Variants in ADGRD2 observed in about 807,000 individuals in gnomAD.
The protein encoded by ADGRD2 is G protein-coupled receptor PGR24.
A neutral mutation model predicts 44.4 loss-of-function variants in ADGRD2; 71 were observed. The ratio of observed to expected loss-of-function variants is 1.60; its 90% confidence interval spans 1.32 to 1.95. The LOEUF is 1.95. Among genes scored for constraint, ADGRD2 ranks in the 30% most tolerant of loss-of-function variants. ADGRD2 has a pLI of 0.00. For missense variants in ADGRD2, 1,039 were observed against 512.4 expected, an observed-to-expected ratio of 2.03 and a Z score of -9.92; for synonymous variants, 481 against 224.8, an observed-to-expected ratio of 2.14 and a Z score of -10.19.
chr9:124,451,225 C>A (rs1339918249), upstream of ADGRD2: 1 of 471,606 alleles, frequency 2.1e-6, no homozygotes, highest in East Asian at 6.9e-5. Flanking sequence ...TCGGCAGAGG[C>A]CTGATGAAGC....
At chr9:124,453,945 C>G (rs1345270498) in intron 3 of ADGRD2, 54 bp from the exon 7 acceptor site, 1 of 604,682 alleles carries the variant, frequency 1.7e-6, no homozygotes, top group African/African-American at 1.9e-5. Flanking sequence ...GGCCGTGCGT[C>G]CTGGCTCGCC....
At chr9:124,467,394 G>T in intron 11 of ADGRD2, 3 of 231,652 alleles carry the variant, frequency 1.3e-5, no homozygotes, top group Non-Finnish European at 2.5e-5. Flanking sequence ...TCCACATCAT[G>T]AGTATCATCC....
Position 124,454,166 on chromosome 9 carries a change from G to T in ADGRD2, c.1022+69G>T, listed in dbSNP as rs750432148. The T allele has an allele frequency of 2.8e-5, 17 of 610,596 alleles. No individual in the cohort carries two copies. The highest frequency in any genetic ancestry group is 4.4e-5 in the Non-Finnish European group (15 of 337,576). The allele number at this position is 610,596 out of a possible 1,614,324, so 37.8% of individuals were successfully genotyped here. A position where few individuals can be genotyped will look rare whatever the true frequency, so the allele number is the denominator to read the frequency against. On this transcript the variant is annotated intron_variant, in intron 4 of 21. Transcript: ENST00000334810. This position sits in a 1 kb window ranked among gnomAD's most constrained non-coding sequence, Gnocchi z 4.5. ...GGTGTGGACCGGAGTAGACTGAGAG[G>T]GGGTGAGCTGCTGGCAAAGTCTGGG...
intron 20 of ADGRD2, 30 bp from the exon 24 acceptor site, chr9:124,476,649 C>T: frequency 2.9e-6 from 2 of 698,734 alleles, no homozygotes; most frequent in South Asian, 3.0e-5. Flanking sequence ...GGAGTGGGGG[C>T]CACCCCCGTG....
chr9:124,453,155 G>A (rs1451183818), exon 3 of ADGRD2: 1 of 700,548 alleles, frequency 1.4e-6, no homozygotes, highest in Non-Finnish European at 2.6e-6. Flanking sequence ...CAGTGGGACT[G>A]TGCCTCGCCC....
intron 11 of ADGRD2, 145 bp from the exon 15 acceptor site, chr9:124,467,576 G>C (rs1831848477): frequency 1.6e-5 from 10 of 620,082 alleles, no homozygotes; most frequent in Admixed American, 2.6e-5. Flanking sequence ...AATGCCTACT[G>C]TGTGCAGGCC....
chr9:124,453,524 A>G (rs1281769132), exon 3 of ADGRD2: 2 of 698,552 alleles, frequency 2.9e-6, no homozygotes, highest in African/African-American at 1.8e-5. Flanking sequence ...ACCGACTTCC[A>G]CCTGTGGGCG....
chr9:124,456,685 T>C (rs1207352094), exon 7 of ADGRD2: 1 of 715,764 alleles, frequency 1.4e-6, no homozygotes, highest in South Asian at 1.5e-5. Context: ...GCTGAGCACC[T>C]CAATGACCTC....
chr9:124,455,833 G>A (rs779956651), intron 6 of ADGRD2, among the ~76,000 whole-genome samples: 1 of 152,174 alleles, frequency 6.6e-6, no homozygotes, highest in Non-Finnish European at 1.5e-5. Context: ...AGTGGCTGTC[G>A]GCCTGGGAGT....
upstream of ADGRD2, chr9:124,451,157 G>A (rs1831458114): frequency 1.1e-5 from 5 of 472,328 alleles, no homozygotes; most frequent in Non-Finnish European, 2.2e-5. Flanking sequence ...GACGCACCTT[G>A]GGGAGCAGGG....
In ADGRD2 at chr9:124,476,728, G is replaced by A. The variant is rs772586633; in HGVS notation, c.*18+19G>A. The A allele has an allele frequency of 3.0e-5, 21 of 699,040 alleles. No individual in the cohort carries two copies. The highest frequency in any genetic ancestry group is 1.2e-4 in the South Asian group (8 of 67,296). 43.3% of individuals were successfully genotyped at this position (699,040 alleles called of 1,614,324 possible). On this transcript the variant is annotated intron_variant, in intron 21 of 21. Transcript: ENST00000334810. Reference sequence around the variant, plus strand: ...GCTTCAGGTACAGTCCCCACCTCACGGGGTCCCCTCTTTTCTTTTTGGGCC... The same window carrying A: ...GCTTCAGGTACAGTCCCCACCTCACAGGGTCCCCTCTTTTCTTTTTGGGCC...
exon 3 of ADGRD2, chr9:124,453,094 C>A (rs774880653): frequency 3.7e-5 from 26 of 694,950 alleles, no homozygotes; most frequent in Non-Finnish European, 6.3e-5. Flanking sequence ...GGCGGCGCGG[C>A]TGCGGAGCCC....
chr9:124,476,511 G>A (rs967838029), intron 20 of ADGRD2, 96 bp downstream of exon 23: 16 of 649,828 alleles, frequency 2.5e-5, no homozygotes, highest in East Asian at 1.1e-4. Context: ...GGGTAGGGCC[G>A]GGGTGGGGGC....
chr9:124,478,462 C>G (rs1832089092), exon 22 of ADGRD2: 1 of 152,438 alleles, frequency 6.6e-6, no homozygotes, highest in Non-Finnish European at 1.5e-5. Flanking sequence ...GTTCCCCTAG[C>G]CCACCAGGTC....
intron 10 of ADGRD2, chr9:124,465,863 AG>A (rs1458611865): frequency 1.9e-5 from 3 of 156,300 alleles, no homozygotes; most frequent in African/African-American, 4.8e-5. Flanking sequence ...TCACTCTGTG[AG>A]GTGCCTAGGA....
intron 13 of ADGRD2, 78 bp from the exon 17 acceptor site, chr9:124,468,441 G>A (rs1404155514): frequency 2.9e-5 from 21 of 712,906 alleles, no homozygotes; most frequent in Non-Finnish European, 4.7e-5. Context: ...GGCAAGGCCG[G>A]GCTGGGCATG....
exon 3 of ADGRD2, chr9:124,453,284 C>T: frequency 2.0e-6 from 1 of 492,854 alleles, no homozygotes; most frequent in South Asian, 3.1e-5. Flanking sequence ...GGGCAGCACG[C>T]GCCCTTCCTC....
At chr9:124,458,657 A>T in exon 10 of ADGRD2, 1 of 718,800 alleles carries the variant, frequency 1.4e-6, no homozygotes, top group Non-Finnish European at 2.6e-6. Flanking sequence ...ATCTCCTCTG[A>T]AGTGTGGGAC....
Position 124,454,832 on chromosome 9 carries a change from T to C in ADGRD2, c.1109-11T>C. 1 of 683,190 alleles carries C rather than the reference T, an allele frequency of 1.5e-6. No homozygotes were observed. 42.3% of individuals were successfully genotyped at this position (683,190 alleles called of 1,614,324 possible). A position where few individuals can be genotyped will look rare whatever the true frequency, so the allele number is the denominator to read the frequency against. On this transcript the variant is annotated splice_polypyrimidine_tract_variant and intron_variant, in intron 5 of 21. Transcript: ENST00000334810. This position sits in a 1 kb window ranked among gnomAD's most constrained non-coding sequence, Gnocchi z 4.5. ...AACCAGACCCAGAGTCAGTGGCTCC[T>C]CTGTCCACAGCTCCTCCCGGACCCC...
Sources: gnomAD v4.1 joint callset for allele counts (sites outside exome capture counted in the v4.1 genomes callset) on GRCh38, gnomAD v4.1.1 for gene constraint, Gnocchi (gnomAD v3.1) non-coding constraint, MANE v1.5 for transcripts, NCBI Gene and HGNC (gene_info 2026-07-23, HGNC 2026-07-21) for gene names.